NLGN1: variants seen among roughly 807,000 people sequenced by gnomAD.
NLGN1 encodes neuroligin-1.
A neutral mutation model predicts 65.5 loss-of-function variants in NLGN1; 12 were observed. The observed-to-expected ratio is 0.18, with a 90% CI of 0.12 to 0.30. NLGN1 has a LOEUF of 0.30. Among genes scored for constraint, NLGN1 ranks in the 10% least tolerant of loss-of-function variants. The pLI is 1.00. For missense variants in NLGN1, 750 were observed against 1,007.1 expected (o/e 0.74, Z 3.46); for synonymous variants, 350 against 359.5 (o/e 0.97, Z 0.30).
intron 4 of NLGN1, among the ~76,000 whole-genome samples, chr3:173,864,097 A>C (rs539966587): frequency 6.6e-6 from 1 of 152,322 alleles, no homozygotes; most frequent in East Asian, 1.9e-4. Context: ...ACAACTGTCA[A>C]CCCAATAATG....
At chr3:174,144,694 G>C (rs1410948914) in intron 4 of NLGN1, among the ~76,000 whole-genome samples, 5 of 152,016 alleles carry the variant, frequency 3.3e-5, no homozygotes, top group Non-Finnish European at 7.4e-5. Context: ...TCATATGTTT[G>C]TTGGCCACAT....
intron 4 of NLGN1, among the ~76,000 whole-genome samples, chr3:173,917,870 T>TGTGTGTGTGTGTGTGTGTGTG (rs10530688): frequency 1.3e-5 from 2 of 151,906 alleles, no homozygotes; most frequent in African/African-American, 4.8e-5. Flanking sequence ...TGTGTGTGTG[T>TGTGTGTGTGTGTGTGTGTGTG]TGGCCTTTAT....
intron 4 of NLGN1, among the ~76,000 whole-genome samples, chr3:173,978,843 A>T (rs927559456): frequency 4.6e-5 from 7 of 150,564 alleles, no homozygotes; most frequent in Non-Finnish European, 7.4e-5. Flanking sequence ...TTAAAAAAAA[A>T]AAAAAAAAAA....
At chr3:173,881,419 C>CTTTTT (rs71162368) in intron 4 of NLGN1, among the ~76,000 whole-genome samples, 1 of 80,572 alleles carries the variant, frequency 1.2e-5, no homozygotes, top group Non-Finnish European at 2.2e-5. Context: ...TGCTCCACTC[C>CTTTTT]TTTTTTTTTT....
Position 173,453,005 on chromosome 3 carries a change from G to A in NLGN1, c.-321+17927G>A, listed in dbSNP as rs148115292. ...AACTTCAGTGAGTCTTAATCTTTTT[G>A]CTGGTGGAAGGTTGTGTCTTAATGG... On this transcript the variant is annotated intron_variant, in intron 2 of 6. Coordinates refer to ENST00000457714, the Ensembl canonical transcript of NLGN1. Among the ~76,000 whole-genome samples the A allele has an allele frequency of 7.8e-3, 1,184 of 152,138 alleles. 9 individuals carry two copies. The highest frequency in any genetic ancestry group is 0.017 in the Middle Eastern group (5 of 292).
chr3:173,981,931 AATG>A (rs1221897576), intron 4 of NLGN1, among the ~76,000 whole-genome samples: 2 of 152,102 alleles, frequency 1.3e-5, no homozygotes, highest in African/African-American at 4.8e-5. Context: ...CTTCAAGTGA[AATG>A]ATTTTAACAG....
intron 4 of NLGN1, among the ~76,000 whole-genome samples, chr3:173,878,561 T>C (rs1016783048): frequency 4.0e-5 from 6 of 151,618 alleles, no homozygotes; most frequent in Non-Finnish European, 5.9e-5. Flanking sequence ...GTACAAATTC[T>C]TGTGTCATTT....
chr3:174,019,570 T>G (rs895522485), intron 4 of NLGN1, among the ~76,000 whole-genome samples: 1 of 152,166 alleles, frequency 6.6e-6, no homozygotes, highest in African/African-American at 2.4e-5. Context: ...ATATCATATT[T>G]TGTTGCAAGT....
chr3:174,137,790 A>G (rs1196321147), intron 4 of NLGN1, among the ~76,000 whole-genome samples: 2 of 152,156 alleles, frequency 1.3e-5, no homozygotes, highest in African/African-American at 4.8e-5. Context: ...TGAAAAGGAA[A>G]ATCATTACTT....
intron 4 of NLGN1, among the ~76,000 whole-genome samples, chr3:173,849,424 A>G (rs1210286432): frequency 1.3e-5 from 2 of 152,114 alleles, no homozygotes; most frequent in Non-Finnish European, 2.9e-5. Context: ...AAATCATGGG[A>G]CAAGTTAGGC....
At position 174,275,542 on chromosome 3, in the gene NLGN1, T is replaced by C; in HGVS notation, c.859+15T>C. On this transcript the variant is annotated intron_variant, in intron 5 of 6. Transcript: ENST00000457714. The stretch of plus-strand genomic sequence containing the variant: ...TTCAACCAAAGGTATTATGCAAGGT[T>C]GCAAATTTTGACAATTTTGGTGTCT... 1 of 1,598,740 alleles carries C rather than the reference T, an allele frequency of 6.3e-7. No individual in the cohort carries two copies. The highest frequency in any genetic ancestry group is 8.6e-7 in the Non-Finnish European group (1 of 1,167,712).
intron 4 of NLGN1, among the ~76,000 whole-genome samples, chr3:174,160,720 GT>G (rs1726330502): frequency 6.6e-6 from 1 of 150,590 alleles, no homozygotes; most frequent in Admixed American, 6.7e-5. Flanking sequence ...TATTATAATA[GT>G]TTTATCATAT....
chr3:174,035,058 A>ATATTATT (rs1730827662), intron 4 of NLGN1, among the ~76,000 whole-genome samples: 6 of 152,194 alleles, frequency 3.9e-5, no homozygotes, highest in African/African-American at 7.2e-5. Context: ...ATCAGGGGTC[A>ATATTATT]AGAAGGATAT....
chr3:173,823,678 A>G (rs115947648), intron 4 of NLGN1, among the ~76,000 whole-genome samples: 3,402 of 152,196 alleles, frequency 0.022, 156 homozygotes, highest in African/African-American at 0.078. Context: ...CAAGTACTCA[A>G]TAGTCACATG....
intron 4 of NLGN1, among the ~76,000 whole-genome samples, chr3:173,996,014 C>A (rs182094772): frequency 6.1e-4 from 93 of 152,224 alleles, no homozygotes; most frequent in African/African-American, 2.2e-3. Context: ...CCATAACAAT[C>A]ACTTTAGTTT....
chr3:173,904,136 T>G (rs2152193814), intron 4 of NLGN1, among the ~76,000 whole-genome samples: 1 of 152,324 alleles, frequency 6.6e-6, no homozygotes, highest in Admixed American at 6.5e-5. Context: ...AGTCAAACTA[T>G]CAATGGCTTT....
intron 4 of NLGN1, among the ~76,000 whole-genome samples, chr3:174,027,352 C>T (rs1165807331): frequency 6.6e-6 from 1 of 152,082 alleles, no homozygotes; most frequent in African/African-American, 2.4e-5. Context: ...TGTCTTCTTC[C>T]TAATATAGCT....
intron 2 of NLGN1, among the ~76,000 whole-genome samples, chr3:173,538,098 A>G (rs139955246): frequency 2.0e-5 from 3 of 152,322 alleles, no homozygotes; most frequent in Admixed American, 2.0e-4. Flanking sequence ...AAAATGTTGT[A>G]AGTGGTGTAA....
chr3:174,160,880 TCTAA>T (rs1445315715), intron 4 of NLGN1, among the ~76,000 whole-genome samples: 3 of 151,516 alleles, frequency 2.0e-5, no homozygotes, highest in Non-Finnish European at 3.0e-5. Flanking sequence ...ATTCATTCTT[TCTAA>T]CTATTTTTTT....
Sources: gnomAD v4.1 joint callset for allele counts (sites outside exome capture counted in the v4.1 genomes callset) on GRCh38, gnomAD v4.1.1 for gene constraint, MANE v1.5 for transcripts, NCBI Gene and HGNC (gene_info 2026-07-23, HGNC 2026-07-21) for gene names.